The following CCDC88A variants were observed in gnomAD, a reference collection of about 807,000 sequenced individuals.
CCDC88A encodes girdin.
CCDC88A carries 54 observed loss-of-function variants against 234.3 expected under a neutral mutation model. The observed-to-expected ratio is 0.23, with a 90% CI of 0.19 to 0.29. The LOEUF is 0.29. CCDC88A is among the 10% of genes least tolerant of loss of function. CCDC88A has a pLI of 1.00. For missense variants in CCDC88A, 1,832 were observed against 2,123.4 expected (o/e 0.86, Z 2.70); for synonymous variants, 753 against 737.8 (o/e 1.02, Z -0.33).
At position 55,322,680 on chromosome 2, in the gene CCDC88A, A is replaced by C; in HGVS notation, c.3010T>G (p.Tyr1004Asp). 6.5e-7 allele frequency: 1 copy of C among 1,528,412 alleles called. No individual in the cohort carries two copies. The highest frequency in any genetic ancestry group is 8.8e-7 in the Non-Finnish European group (1 of 1,140,016). The allele number at this position is 1,528,412 out of a possible 1,614,324, so 94.7% of individuals were successfully genotyped here. ...RQELKTVKKN[Y>D]EALKQRQDEE... ...TCTTGTCTCTGTTTGAGAGCTTCAT[A>C]ATTTTTTTTCACCTAAAATTTTATT... Residue 1004 changes from tyrosine (Y) to aspartate (D), a missense_variant, in exon 18 of 33, where the codon TAT (tyrosine) becomes GAT (aspartate). Tyr to Asp is a radical substitution (Grantham distance 160). This residue lies in a region of CCDC88A where 1,282 missense variants were observed against 1,543.6 expected (regional missense o/e 0.83). Coordinates refer to ENST00000436346, the MANE Select transcript of CCDC88A (RefSeq NM_001365480.1).
chr2:55,397,411 T>C (rs1191437765), intron 2 of CCDC88A: 1 of 151,982 alleles, frequency 6.6e-6, no homozygotes, highest in Non-Finnish European at 1.5e-5. Context: ...AAATTTAATA[T>C]TAGAACTAAA....
Position 55,296,428 on chromosome 2 carries a change from T to C in CCDC88A, c.4921A>G (p.Ser1641Gly), listed in dbSNP as rs745953034. 5.6e-6 allele frequency: 9 copies of C among 1,614,202 alleles called. No individual in the cohort carries two copies. The South Asian group carries it at 7.7e-5, about 14-fold the overall frequency. The change falls in exon 30 of 33, where the codon AGT (serine) becomes GGT (glycine). Residue 1641 changes from serine to glycine, a missense_variant. By Grantham distance (56) the Ser-to-Gly change is moderately conservative. Around this residue, in one of 6 missense-constraint regions of CCDC88A, gnomAD observed 422 missense variants for 416.5 expected, o/e 1.01. Transcript: ENST00000436346. ...TGTCTTTTCAAGTACTGGATTGGAC[T>C]GCTACCACTGCTGGACCAAGCCTCA... The part of the protein sequence containing the change: ...DHEAWSSSGS[S>G]PIQYLKRQTR...
rs146055566 is a variant in CCDC88A at position 55,407,909 on chromosome 2, G to A, written c.164+10907C>T. Among the ~76,000 whole-genome samples the A allele has an allele frequency of 9.4e-3, 1,403 of 148,560 alleles. 13 individuals are homozygous for A. The highest frequency in any genetic ancestry group is 0.026 in the African/African-American group (1,080 of 41,012). Reference sequence around the variant, plus strand: ...ACTTTTGTATTTTTAGTAGAGACGGGGTTTCACCATGTTGGCTTGGCTGGT... The same window carrying A: ...ACTTTTGTATTTTTAGTAGAGACGGAGTTTCACCATGTTGGCTTGGCTGGT... On this transcript the variant is annotated intron_variant, in intron 2 of 32. Coordinates refer to ENST00000436346, the MANE Select transcript of CCDC88A (RefSeq NM_001365480.1).
In CCDC88A at chr2:55,315,979, T is replaced by C; in HGVS notation, c.3882A>G (p.Glu1294=). The change falls in exon 22 of 33, where the codon GAA becomes GAG. Residue 1294 remains glutamate, a synonymous_variant. Coordinates refer to ENST00000436346, the MANE Select transcript of CCDC88A (RefSeq NM_001365480.1). ...RLEAEFSKLK[E]QYQQLDITST... is the part of the protein sequence containing the mutation. ...ATGTAATATCCAATTGTTGGTATTG[T>C]TCCTTTAGTTTTGAAAATTCAGCTT... 1 of 1,590,848 alleles carries C rather than the reference T, an allele frequency of 6.3e-7. No individual in the cohort carries two copies. The highest frequency in any genetic ancestry group is 8.5e-7 in the Non-Finnish European group (1 of 1,170,168).
intron 5 of CCDC88A, among the ~76,000 whole-genome samples, chr2:55,370,471 G>C (rs1334692165): frequency 6.6e-6 from 1 of 151,042 alleles, no homozygotes; most frequent in East Asian, 2.0e-4. Flanking sequence ...GTGAAACCCT[G>C]TCTCTACTAA....
rs148078829 is a variant in CCDC88A, at chr2:55,419,117, A to C, written c.-38T>G. ...GTATTTGAAAAAAGGAACTACCACA[A>C]AAATACGCCTAGGGAATTGGTCACT... is the stretch of plus-strand genomic sequence containing the variant. On this transcript the variant is annotated 5_prime_UTR_variant, in exon 1 of 33. Transcript: ENST00000436346. 118 of 1,231,760 alleles carry C rather than the reference A, an allele frequency of 9.6e-5. No individual in the cohort carries two copies. The highest frequency in any genetic ancestry group is 7.7e-4 in the Admixed American group (44 of 56,824). 76.3% of individuals were successfully genotyped at this position (1,231,760 alleles called of 1,614,324 possible). A position where few individuals can be genotyped will look rare whatever the true frequency, so the allele number is the denominator to read the frequency against.
chr2:55,396,285 T>C (rs1237441545), intron 2 of CCDC88A, among the ~76,000 whole-genome samples: 1 of 152,214 alleles, frequency 6.6e-6, no homozygotes, highest in Non-Finnish European at 1.5e-5. Context: ...ATAAATTTCA[T>C]TTGCAAACAT....
At chr2:55,312,377 G>T in intron 23 of CCDC88A, 57 bp downstream of exon 23, 1 of 1,496,278 alleles carries the variant, frequency 6.7e-7, no homozygotes, top group South Asian at 1.2e-5. Flanking sequence ...CACTGGGTAT[G>T]GCAATGATAA....
At chr2:55,331,772 C>A (rs1177367809) in intron 16 of CCDC88A, 1 of 152,102 alleles carries the variant, frequency 6.6e-6, no homozygotes, top group East Asian at 1.9e-4. Flanking sequence ...AATTTTTTAT[C>A]CAGCTTTTAA....
At chr2:55,295,463 T>A in intron 31 of CCDC88A, 134 bp downstream of exon 31, 1 of 1,569,624 alleles carries the variant, frequency 6.4e-7, no homozygotes, top group South Asian at 1.2e-5. Context: ...GTGACCTTCC[T>A]GTTCTTGAGT....
chr2:55,339,921 G>T (rs192757345), intron 12 of CCDC88A: 1 of 244,782 alleles, frequency 4.1e-6, no homozygotes, highest in African/African-American at 2.2e-5. Context: ...AGCCTCAAAC[G>T]CCTGGTCTGA....
At position 55,339,543 on chromosome 2, in the gene CCDC88A, C is replaced by T. The variant is rs774806527; in HGVS notation, c.1439G>A (p.Arg480Gln). ...GCCTTCTACAGAATCCACAGTAGTC[C>T]GAAGCTCTTCTACGGTTTTTGTCAA... ...QSLTKTVEELRTTVDSVEGNA... is the reference protein window; with the variant it reads ...QSLTKTVEELQTTVDSVEGNA... Residue 480 changes from arginine (R) to glutamine (Q), a missense_variant, in exon 13 of 33, where the codon CGG becomes CAG. Arg to Gln is a conservative substitution (Grantham distance 43). Coordinates refer to ENST00000436346, the MANE Select transcript of CCDC88A (RefSeq NM_001365480.1). The T allele has an allele frequency of 6.6e-5, 107 of 1,613,498 alleles. No individual in the cohort carries two copies. The highest frequency in any genetic ancestry group is 8.6e-5 in the Non-Finnish European group (101 of 1,179,810).
chr2:55,372,884 T>G (rs553377029), intron 4 of CCDC88A, among the ~76,000 whole-genome samples: 1 of 152,218 alleles, frequency 6.6e-6, no homozygotes, highest in Non-Finnish European at 1.5e-5. Context: ...TGGCTCCTAA[T>G]AGGTTTGGCT....
chr2:55,379,679 G>C (rs1312591736), intron 3 of CCDC88A, among the ~76,000 whole-genome samples: 2 of 152,204 alleles, frequency 1.3e-5, no homozygotes, highest in Non-Finnish European at 2.9e-5. Flanking sequence ...TGTAATCCCA[G>C]CACTTCGGGA....
chr2:55,370,322 T>C (rs1672627621), intron 5 of CCDC88A, among the ~76,000 whole-genome samples: 1 of 152,102 alleles, frequency 6.6e-6, no homozygotes, highest in Non-Finnish European at 1.5e-5. Flanking sequence ...TTTTCTACAG[T>C]TGATAAAACC....
At chr2:55,368,493 A>T in intron 5 of CCDC88A, among the ~76,000 whole-genome samples, 1 of 151,856 alleles carries the variant, frequency 6.6e-6, no homozygotes, top group South Asian at 2.1e-4. Flanking sequence ...AATTAAAAAA[A>T]AATTTTTTTT....
intron 17 of CCDC88A, among the ~76,000 whole-genome samples, chr2:55,327,283 G>C (rs1050260548): frequency 7.9e-5 from 12 of 152,128 alleles, no homozygotes; most frequent in African/African-American, 2.7e-4. Flanking sequence ...CTATTTAGGA[G>C]AACTTTAAAG....
intron 2 of CCDC88A, chr2:55,417,896 T>A (rs1349740005): frequency 1.3e-5 from 2 of 151,966 alleles, no homozygotes; most frequent in Non-Finnish European, 1.5e-5. Context: ...CCAAACTACC[T>A]CTTCTCATCA....
At chr2:55,312,732 G>GTAGGTGTCATCACTAAA in intron 22 of CCDC88A, 153 bp from the exon 23 acceptor site, 1 of 575,986 alleles carries the variant, frequency 1.7e-6, no homozygotes, top group Non-Finnish European at 3.0e-6. Context: ...TTTTAGTGAT[G>GTAGGTGTCATCACTAAA]ACACCTACAG....
Sources: gnomAD v4.1 joint callset for allele counts (sites outside exome capture counted in the v4.1 genomes callset) on GRCh38, gnomAD v4.1.1 for gene constraint, gnomAD v4.1.1 regional missense constraint, MANE v1.5 for transcripts, NCBI Gene and HGNC (gene_info 2026-07-23, HGNC 2026-07-21) for gene names.